The following CFAP54 variants were observed in gnomAD, a reference collection of about 807,000 sequenced individuals.
CFAP54 encodes the protein cilia and flagella associated protein 54, also known as cilia- and flagella-associated protein 54.
Under a neutral mutation model 370.4 loss-of-function variants are expected in CFAP54, and 290 were observed. The ratio of observed to expected loss-of-function variants is 0.78; its 90% CI spans 0.71 to 0.86. The LOEUF is 0.86. Among genes scored for constraint, CFAP54 ranks in the 40% least tolerant of loss-of-function variants. The probability of loss-of-function intolerance (pLI) is 0.00; values close to 1 mark genes in which losing one functional copy is unlikely to be tolerated. For synonymous variants in CFAP54, 1,206 were observed against 1,236.5 expected, an observed-to-expected ratio of 0.98 and a Z score of 0.52; for missense variants, 3,399 against 3,528.7, an observed-to-expected ratio of 0.96 and a Z score of 0.93.
At chr12:96,540,036 G>A (rs1309830217) in intron 13 of CFAP54, 1 of 152,124 alleles carries the variant, frequency 6.6e-6, no homozygotes, top group Non-Finnish European at 1.5e-5. Flanking sequence ...ATAATCTCAG[G>A]TCCCAAAATG....
chr12:96,522,287 C>T (rs1217543143), intron 8 of CFAP54, 98 bp downstream of exon 8: 13 of 820,660 alleles, frequency 1.6e-5, no homozygotes, highest in Non-Finnish European at 1.7e-5. Context: ...TTATTAAATT[C>T]TGCCCCCAGT....
At chr12:96,609,058 A>G (rs573928843) in intron 26 of CFAP54, among the ~76,000 whole-genome samples, 25 of 152,368 alleles carry the variant, frequency 1.6e-4, no homozygotes, top group South Asian at 4.1e-4. Flanking sequence ...CAATGCTTGA[A>G]AAAATGAATG....
chr12:96,607,167 T>A (rs1468704355), intron 26 of CFAP54, among the ~76,000 whole-genome samples: 1 of 152,202 alleles, frequency 6.6e-6, no homozygotes, highest in Admixed American at 6.5e-5. Flanking sequence ...GAGACTGCTA[T>A]GACCTGGTCT....
chr12:96,524,522 A>G (rs760505041), intron 8 of CFAP54, among the ~76,000 whole-genome samples: 3 of 152,206 alleles, frequency 2.0e-5, no homozygotes, highest in Admixed American at 1.3e-4. Context: ...TGGAATATAG[A>G]AATACTAAAT....
At chr12:96,655,467 A>G (rs967562759) in intron 36 of CFAP54, among the ~76,000 whole-genome samples, 4 of 152,200 alleles carry the variant, frequency 2.6e-5, no homozygotes, top group Admixed American at 2.0e-4. Flanking sequence ...TGTAATTCTT[A>G]ATGAATGAAT....
chr12:96,826,592 A>G (rs1441320003), intron 65 of CFAP54, among the ~76,000 whole-genome samples: 9 of 104,388 alleles, frequency 8.6e-5, no homozygotes, highest in African/African-American at 3.7e-4. Flanking sequence ...TGTATTATAT[A>G]AATATATTAT....
chr12:96,506,310 C>A (rs1380446570), intron 3 of CFAP54, among the ~76,000 whole-genome samples: 2 of 148,762 alleles, frequency 1.3e-5, no homozygotes, highest in African/African-American at 5.0e-5. Flanking sequence ...TGCACTCCAA[C>A]CTGGGAGACA....
At chr12:96,645,388 AC>A (rs1592904057) in intron 33 of CFAP54, 1 of 292,024 alleles carries the variant, frequency 3.4e-6, no homozygotes, top group South Asian at 3.2e-5. Flanking sequence ...AATCCAACTT[AC>A]AAGGGATGTG....
At chr12:96,634,745 G>A (rs1956646522) in intron 32 of CFAP54, among the ~76,000 whole-genome samples, 1 of 152,118 alleles carries the variant, frequency 6.6e-6, no homozygotes, top group African/African-American at 2.4e-5. Context: ...TTCATTTTGA[G>A]TTAATTTTTT....
chr12:96,752,688 T>C (rs1349827436), intron 55 of CFAP54, among the ~76,000 whole-genome samples: 1 of 152,242 alleles, frequency 6.6e-6, no homozygotes, highest in Non-Finnish European at 1.5e-5. Context: ...AATCTGGGCC[T>C]GCTAGCAAAG....
chr12:96,801,563 T>G (rs555794819), intron 63 of CFAP54, among the ~76,000 whole-genome samples: 1 of 152,208 alleles, frequency 6.6e-6, no homozygotes, highest in African/African-American at 2.4e-5. Flanking sequence ...TAACCACGGC[T>G]AAAGGTTTGA....
At chr12:96,799,503 G>A (rs1461898471) in intron 63 of CFAP54, among the ~76,000 whole-genome samples, 2 of 152,066 alleles carry the variant, frequency 1.3e-5, no homozygotes, top group African/African-American at 4.8e-5. Flanking sequence ...AACCTCCTGG[G>A]CCTGCCTCTC....
At chr12:96,716,347 C>A (rs1240389942) in intron 48 of CFAP54, among the ~76,000 whole-genome samples, 1 of 152,230 alleles carries the variant, frequency 6.6e-6, no homozygotes, top group Non-Finnish European at 1.5e-5. Flanking sequence ...GGAAGCACAT[C>A]TGCCTGAAAC....
At chr12:96,505,588 C>T (rs1424057754) in intron 3 of CFAP54, among the ~76,000 whole-genome samples, 3 of 150,626 alleles carry the variant, frequency 2.0e-5, no homozygotes, top group East Asian at 2.0e-4. Flanking sequence ...CTGCAGCCTC[C>T]GCCTCCTGGG....
Position 96,521,939 on chromosome 12 carries a change from C to T in CFAP54, c.1025C>T (p.Ser342Leu), listed in dbSNP as rs772943793. Residue 342 changes from serine to leucine, a missense_variant, in exon 7 of 68, where the codon TCG (serine) becomes TTG (leucine). Transcript: ENST00000524981. ...AGTTCCTCAAAATCCCAGGAAGAAT[C>T]GCGAAGATATTTTCGAGAGGCCACA... ...LMSSSKSQEE[S>L]RRYFREATMK... 2.1e-5 allele frequency: 32 copies of T among 1,534,462 alleles called. No homozygotes were observed. The highest frequency in any genetic ancestry group is 7.9e-5 in the Admixed American group (4 of 50,940).
At chr12:96,816,483 A>G (rs1322836669) in intron 64 of CFAP54, among the ~76,000 whole-genome samples, 2 of 152,210 alleles carry the variant, frequency 1.3e-5, no homozygotes, top group Non-Finnish European at 2.9e-5. Flanking sequence ...TCTAAGGCAT[A>G]CTATATAAAT....
At position 96,694,409 on chromosome 12, in the gene CFAP54, TC is replaced by T. The variant is rs199759542; in HGVS notation, c.6351+602del. Among the ~76,000 whole-genome samples the T allele has an allele frequency of 3.9e-3, 586 of 152,160 alleles. 3 individuals carry two copies. The highest frequency in any genetic ancestry group is 0.013 in the African/African-American group (559 of 41,508). ...TTGAATTTGTTTTGTACGTGGATAA[TC>T]TCAATATCCAACAAATATGCTCCCA... On this transcript the variant is annotated intron_variant, in intron 45 of 67. Transcript: ENST00000524981.
intron 63 of CFAP54, among the ~76,000 whole-genome samples, chr12:96,805,255 A>G (rs1958865734): frequency 6.6e-6 from 1 of 152,168 alleles, no homozygotes; most frequent in South Asian, 2.1e-4. Flanking sequence ...ACTTAATTAA[A>G]CTAAAAAGCT....
intron 38 of CFAP54, among the ~76,000 whole-genome samples, chr12:96,661,846 A>T (rs554790828): frequency 6.6e-6 from 1 of 152,262 alleles, no homozygotes; most frequent in East Asian, 1.9e-4. Flanking sequence ...CTGCCCAATC[A>T]TCATCATTTC....
Sources: gnomAD v4.1 joint callset for allele counts (sites outside exome capture counted in the v4.1 genomes callset) on GRCh38, gnomAD v4.1.1 for gene constraint, MANE v1.5 for transcripts, NCBI Gene and HGNC (gene_info 2026-07-23, HGNC 2026-07-21) for gene names.